The following CFAP52 variants were observed in gnomAD, a reference collection of about 807,000 sequenced individuals.
CFAP52 encodes the protein cilia- and flagella-associated protein 52.
In CFAP52, 57 loss-of-function variants were observed where a neutral mutation model predicts 70.5. That is an observed-to-expected ratio of 0.81 (90% CI 0.65 to 1.01). CFAP52 has a LOEUF of 1.01. Among genes scored for constraint, CFAP52 ranks in the 50% least tolerant of loss-of-function variants. CFAP52 has a pLI of 0.00. For missense variants in CFAP52, 785 were observed against 788.5 expected, an observed-to-expected ratio of 1.00 and a Z score of 0.05; for synonymous variants, 267 against 292.5, an observed-to-expected ratio of 0.91 and a Z score of 0.89.
In CFAP52 at chr17:9,626,741, C is replaced by T. The variant is rs77954781; in HGVS notation, c.1026-1931C>T. 4.3e-3 allele frequency among the ~76,000 whole-genome samples: 662 copies of T among 152,296 alleles called. 34 individuals carry two copies. The East Asian group carries it at 0.11, about 25-fold the overall frequency. On this transcript the variant is annotated intron_variant, in intron 8 of 13. Coordinates refer to ENST00000352665, the MANE Select transcript of CFAP52 (RefSeq NM_145054.5). ...AAGACTGTCTGGCAAGAAGCCCCAT[C>T]ACATCTGTTGTCTCATTCCAGCACT...
intron 1 of CFAP52, among the ~76,000 whole-genome samples, chr17:9,580,655 C>T (rs1908175825): frequency 6.8e-6 from 1 of 147,772 alleles, no homozygotes; most frequent in African/African-American, 2.5e-5. Flanking sequence ...TACCACTGCA[C>T]TCCTGCCTGG....
chr17:9,585,338 T>G (rs945095977), intron 1 of CFAP52, among the ~76,000 whole-genome samples: 34 of 152,268 alleles, frequency 2.2e-4, no homozygotes, highest in African/African-American at 8.2e-4. Context: ...TAAAATTACC[T>G]ATTTCCCCAA....
In CFAP52 at chr17:9,643,137, A is replaced by G; in HGVS notation, c.1802A>G (p.Tyr601Cys). The G allele has an allele frequency of 6.2e-7, 1 of 1,613,740 alleles. No homozygotes were observed. The highest frequency in any genetic ancestry group is 1.3e-5 in the African/African-American group (1 of 75,058). ...TRIRISPGNQ[Y>C]IVSVSADGAI... ...ATCCGCATAAGTCCAGGAAATCAAT[A>G]TATTGTTAGTGTAAGTGCCGATGGA... Residue 601 changes from tyrosine (Y) to cysteine (C), a missense_variant, in exon 14 of 14, where the codon TAT becomes TGT. Physicochemically the swap from Tyr to Cys is radical, Grantham distance 194 (BLOSUM62 -2). Transcript: ENST00000352665.
At chr17:9,633,939 C>T (rs974293879) in intron 10 of CFAP52, among the ~76,000 whole-genome samples, 1 of 152,120 alleles carries the variant, frequency 6.6e-6, no homozygotes, top group Non-Finnish European at 1.5e-5. Flanking sequence ...CCTCGGCCTC[C>T]CAAAGTGCTG....
chr17:9,632,772 T>G, intron 9 of CFAP52, 116 bp from the exon 10 acceptor site: 1 of 1,429,522 alleles, frequency 7.0e-7, no homozygotes, highest in South Asian at 1.5e-5. Flanking sequence ...AGCTGGTCTC[T>G]TTCCTCCAGC....
intron 1 of CFAP52, among the ~76,000 whole-genome samples, chr17:9,580,573 C>A (rs1203787408): frequency 6.6e-6 from 1 of 151,768 alleles, no homozygotes; most frequent in Non-Finnish European, 1.5e-5. Flanking sequence ...CCTGTAGTCC[C>A]AGCTATTCGA....
At chr17:9,590,028 A>T (rs1205642098) in intron 3 of CFAP52, 1 of 164,956 alleles carries the variant, frequency 6.1e-6, no homozygotes, top group Non-Finnish European at 1.3e-5. Context: ...TTCAGCTGGG[A>T]GCTTTTCACA....
chr17:9,610,029 CAG>C (rs950500357), intron 7 of CFAP52, among the ~76,000 whole-genome samples: 1 of 151,142 alleles, frequency 6.6e-6, no homozygotes. Context: ...CAGAGAGAGA[CAG>C]AGAGAGAGAG....
rs930842839 is a variant in CFAP52, at chr17:9,578,852, T to C, written c.70+2087T>C. Reference sequence around the variant, plus strand: ...TGAGCCACCACACCCAGCCACAGGGTGGAGGGGTGCATGGCCTTAGGTCCT... The same window carrying C: ...TGAGCCACCACACCCAGCCACAGGGCGGAGGGGTGCATGGCCTTAGGTCCT... On this transcript the variant is annotated intron_variant, in intron 1 of 13. Coordinates refer to ENST00000352665, the MANE Select transcript of CFAP52 (RefSeq NM_145054.5). 4.6e-5 allele frequency among the ~76,000 whole-genome samples: 7 copies of C among 151,978 alleles called. No individual in the cohort carries two copies. The East Asian group carries it at 1.2e-3, about 25-fold the overall frequency.
chr17:9,632,538 C>T (rs1028251289), intron 9 of CFAP52, among the ~76,000 whole-genome samples: 1 of 152,032 alleles, frequency 6.6e-6, no homozygotes, highest in African/African-American at 2.4e-5. Context: ...ATGGTGGTGC[C>T]TTGGATGAAG....
intron 12 of CFAP52, among the ~76,000 whole-genome samples, chr17:9,641,265 G>T (rs1361107490): frequency 6.6e-6 from 1 of 152,162 alleles, no homozygotes; most frequent in African/African-American, 2.4e-5. Context: ...AGGGTGGTGT[G>T]AGGAAGAGGG....
intron 9 of CFAP52, among the ~76,000 whole-genome samples, chr17:9,631,706 T>C (rs1029308611): frequency 1.2e-4 from 18 of 150,702 alleles, no homozygotes; most frequent in African/African-American, 4.4e-4. Flanking sequence ...CTAGTTACCG[T>C]GGAGGATAAA....
At chr17:9,584,496 C>G in intron 1 of CFAP52, 1 of 525,764 alleles carries the variant, frequency 1.9e-6, no homozygotes, top group Non-Finnish European at 2.6e-6. Context: ...TAGACATATA[C>G]ATTGTGAAAT....
chr17:9,628,407 G>A (rs1910319339), intron 8 of CFAP52, among the ~76,000 whole-genome samples: 1 of 151,672 alleles, frequency 6.6e-6, no homozygotes, highest in African/African-American at 2.4e-5. Context: ...AGCCTCCTGA[G>A]TAGCTGGGAT....
Position 9,598,299 on chromosome 17 carries a change from CA to C in CFAP52, c.603del (p.Gly202AspfsTer3). 1 of 1,612,388 alleles carries C rather than the reference CA, an allele frequency of 6.2e-7. No homozygotes were observed. The highest frequency in any genetic ancestry group is 8.5e-7 in the Non-Finnish European group (1 of 1,179,562). On this transcript the variant is annotated frameshift_variant, in exon 5 of 14. Coordinates refer to ENST00000352665, the MANE Select transcript of CFAP52 (RefSeq NM_145054.5). LOFTEE classifies it high-confidence loss of function. ...AAAATCTGGCCAACTGAGTGCCAAA[CA>C]GGACAGTTGAAAAGAATAGTCATGA... Reference protein sequence around the residue: ...NRKIWPTECQTGQLKRIVMSI... With the variant: ...NRKIWPTECQXGQLKRIVMSI...
intron 3 of CFAP52, among the ~76,000 whole-genome samples, chr17:9,591,030 CTTT>C (rs34888799): frequency 1.3e-4 from 10 of 76,774 alleles, no homozygotes; most frequent in African/African-American, 4.9e-4. Context: ...TTGCATGCAT[CTTT>C]TTTTTTTTTT....
chr17:9,576,878 A>G, intron 1 of CFAP52, 113 bp downstream of exon 1: 1 of 1,178,062 alleles, frequency 8.5e-7, no homozygotes, highest in Non-Finnish European at 1.2e-6. Flanking sequence ...GGACAACGGC[A>G]GGAGCCCTGG....
chr17:9,640,565 G>T (rs894701641), intron 12 of CFAP52, among the ~76,000 whole-genome samples: 1 of 152,096 alleles, frequency 6.6e-6, no homozygotes, highest in Non-Finnish European at 1.5e-5. Context: ...TCCCGGCAAA[G>T]GACATGATCT....
At chr17:9,635,599 T>C in intron 11 of CFAP52, 43 bp downstream of exon 11, 1 of 1,612,320 alleles carries the variant, frequency 6.2e-7, no homozygotes, top group Non-Finnish European at 8.5e-7. Flanking sequence ...ACCTGCAAAA[T>C]CCAATCATGC....
Sources: allele counts gnomAD v4.1 joint callset (sites outside exome capture counted in the v4.1 genomes callset), GRCh38; gene constraint gnomAD v4.1.1; transcripts MANE v1.5; gene names NCBI Gene and HGNC (gene_info 2026-07-23, HGNC 2026-07-21).